ZNF385D: variants seen among roughly 807,000 people sequenced by gnomAD.
ZNF385D encodes the protein zinc finger protein 659.
A neutral mutation model predicts 35.8 loss-of-function variants in ZNF385D; 15 were observed. The observed-to-expected ratio is 0.42, with a 90% CI of 0.28 to 0.64. The LOEUF (loss-of-function observed/expected upper bound fraction) is 0.64. Ranked by LOEUF, ZNF385D falls within the 30% of genes least tolerant of loss-of-function variation. The pLI is 0.23. For synonymous variants in ZNF385D, 212 were observed against 186.8 expected, an observed-to-expected ratio of 1.13 and a Z score of -1.10; for missense variants, 474 against 494.6, an observed-to-expected ratio of 0.96 and a Z score of 0.39.
intron 3 of ZNF385D, among the ~76,000 whole-genome samples, chr3:21,864,816 T>A (rs75119623): frequency 6.6e-6 from 1 of 152,106 alleles, no homozygotes; most frequent in East Asian, 1.9e-4. Context: ...CCTAAAAATG[T>A]CCTTATAAAA....
At chr3:22,040,768 TAGAATC>T (rs1177901983) in intron 3 of ZNF385D, among the ~76,000 whole-genome samples, 3 of 152,124 alleles carry the variant, frequency 2.0e-5, no homozygotes, top group South Asian at 4.1e-4. Flanking sequence ...AGAAGGCTGA[TAGAATC>T]AGAATTTCAA....
intron 3 of ZNF385D, 26 bp from the exon 4 acceptor site, chr3:21,511,049 T>G: frequency 6.2e-7 from 1 of 1,613,174 alleles, no homozygotes; most frequent in Non-Finnish European, 8.5e-7. Context: ...AAATGAACCA[T>G]GCAATCAGGC....
chr3:21,975,367 T>C (rs1703529940), intron 3 of ZNF385D, among the ~76,000 whole-genome samples: 1 of 151,878 alleles, frequency 6.6e-6, no homozygotes, highest in African/African-American at 2.4e-5. Context: ...ACAATGCAAC[T>C]CATGGAGAGA....
At chr3:21,563,631 T>G (rs2063035240) in intron 3 of ZNF385D, among the ~76,000 whole-genome samples, 1 of 152,216 alleles carries the variant, frequency 6.6e-6, no homozygotes, top group Non-Finnish European at 1.5e-5. Flanking sequence ...GGTTAAATAC[T>G]GGAAGGCTTA....
At chr3:21,926,797 A>C (rs775476316) in intron 3 of ZNF385D, among the ~76,000 whole-genome samples, 1 of 152,202 alleles carries the variant, frequency 6.6e-6, no homozygotes, top group Non-Finnish European at 1.5e-5. Flanking sequence ...AAAATAGACA[A>C]ATGGGATCTA....
chr3:22,258,143 A>G (rs1440512360), intron 2 of ZNF385D, among the ~76,000 whole-genome samples: 1 of 151,758 alleles, frequency 6.6e-6, no homozygotes, highest in Admixed American at 6.6e-5. Flanking sequence ...TATAAATAGA[A>G]CAGATTCCAC....
chr3:22,096,208 G>C (rs2125613519), intron 3 of ZNF385D, among the ~76,000 whole-genome samples: 1 of 152,060 alleles, frequency 6.6e-6, no homozygotes, highest in East Asian at 1.9e-4. Context: ...AAAACCGACT[G>C]TTGAGTAGCA....
intron 3 of ZNF385D, among the ~76,000 whole-genome samples, chr3:22,132,800 T>C (rs189152605): frequency 6.8e-4 from 103 of 152,270 alleles, no homozygotes; most frequent in Admixed American, 1.7e-3. Context: ...TTATACTTAA[T>C]TGTGATTTCT....
intron 3 of ZNF385D, among the ~76,000 whole-genome samples, chr3:21,828,697 G>A (rs1248952918): frequency 6.6e-6 from 1 of 152,202 alleles, no homozygotes; most frequent in Non-Finnish European, 1.5e-5. Flanking sequence ...TACAACCTTA[G>A]TGGCTTAAAA....
intron 1 of ZNF385D, among the ~76,000 whole-genome samples, chr3:21,730,096 C>T (rs1292332182): frequency 6.6e-6 from 1 of 152,164 alleles, no homozygotes; most frequent in African/African-American, 2.4e-5. Context: ...GAACAACCTC[C>T]CGAAGAGACA....
intron 2 of ZNF385D, among the ~76,000 whole-genome samples, chr3:22,294,638 T>C (rs1428967451): frequency 1.3e-5 from 2 of 151,402 alleles, no homozygotes; most frequent in East Asian, 3.9e-4. Flanking sequence ...CAGATTTGAA[T>C]CCTGGTGCTG....
intron 1 of ZNF385D, among the ~76,000 whole-genome samples, chr3:21,749,172 G>A (rs147942378): frequency 5.9e-5 from 9 of 152,182 alleles, no homozygotes; most frequent in Non-Finnish European, 5.9e-5. Context: ...ATTTCAATTC[G>A]TACTATTAAA....
chr3:22,327,156 C>A (rs1253041440), intron 2 of ZNF385D, among the ~76,000 whole-genome samples: 1 of 152,012 alleles, frequency 6.6e-6, no homozygotes, highest in African/African-American at 2.4e-5. Flanking sequence ...TTTAATCTCA[C>A]CCTACCACCC....
At chr3:21,677,141 C>G (rs11718610) in intron 1 of ZNF385D, among the ~76,000 whole-genome samples, 3 of 152,108 alleles carry the variant, frequency 2.0e-5, no homozygotes, top group South Asian at 2.1e-4. Flanking sequence ...ATGAAAGGGA[C>G]GCAAATAATC....
At chr3:21,910,648 G>A (rs1296611580) in intron 3 of ZNF385D, among the ~76,000 whole-genome samples, 2 of 151,702 alleles carry the variant, frequency 1.3e-5, no homozygotes, top group Admixed American at 6.6e-5. Flanking sequence ...ATATAATTGT[G>A]TGAATGAACA....
chr3:21,621,567 G>GTGTGTGTGTGTT (rs2065007541), intron 2 of ZNF385D, among the ~76,000 whole-genome samples: 1 of 149,596 alleles, frequency 6.7e-6, no homozygotes, highest in Non-Finnish European at 1.5e-5. Flanking sequence ...GTGTGTGTGT[G>GTGTGTGTGTGTT]TGTGTGTGTG....
At chr3:22,207,836 T>TA (rs897892062) in intron 2 of ZNF385D, among the ~76,000 whole-genome samples, 149 of 151,808 alleles carry the variant, frequency 9.8e-4, no homozygotes, top group African/African-American at 3.4e-3. Context: ...CAGTGCCCCA[T>TA]ATCATTGATC....
intron 3 of ZNF385D, among the ~76,000 whole-genome samples, chr3:21,972,462 A>G (rs1703323213): frequency 6.6e-6 from 1 of 151,998 alleles, no homozygotes; most frequent in Non-Finnish European, 1.5e-5. Context: ...TTATAGCCAT[A>G]AGTGCCTATA....
At chr3:21,835,973 A>G (rs1315303962) in intron 3 of ZNF385D, among the ~76,000 whole-genome samples, 1 of 151,954 alleles carries the variant, frequency 6.6e-6, no homozygotes, top group East Asian at 1.9e-4. Flanking sequence ...TGAGGTGAGG[A>G]GTGAATAGTC....
Sources: allele counts gnomAD v4.1 joint callset (sites outside exome capture counted in the v4.1 genomes callset), GRCh38; gene constraint gnomAD v4.1.1; transcripts MANE v1.5; gene names NCBI Gene and HGNC (gene_info 2026-07-23, HGNC 2026-07-21).